SMAP2: variants seen among roughly 807,000 people sequenced by gnomAD.
The protein encoded by SMAP2 is small ArfGAP2, also known as stromal membrane-associated protein 2.
A neutral mutation model predicts 56.4 loss-of-function variants in SMAP2; 25 were observed. That is an observed-to-expected ratio of 0.44 (90% CI 0.32 to 0.62). The LOEUF is 0.62. Ranked by LOEUF, SMAP2 falls within the 20% of genes least tolerant of loss-of-function variation. SMAP2 has a pLI of 0.04. For synonymous variants in SMAP2, 157 were observed against 181.7 expected, an observed-to-expected ratio of 0.86 and a Z score of 1.09; for missense variants, 388 against 545.6, an observed-to-expected ratio of 0.71 and a Z score of 2.88.
At chr1:40,384,513 C>A (rs1001817265) in intron 1 of SMAP2, among the ~76,000 whole-genome samples, 1 of 152,170 alleles carries the variant, frequency 6.6e-6, no homozygotes, top group Non-Finnish European at 1.5e-5. Context: ...TCAGCCCTTT[C>A]TAGAAGTGCT....
upstream of SMAP2, among the ~76,000 whole-genome samples, chr1:40,371,330 T>C (rs937192652): frequency 9.2e-5 from 14 of 152,180 alleles, no homozygotes; most frequent in Non-Finnish European, 1.9e-4. Context: ...GCTTTGTTTA[T>C]ATCCTCAGAC....
At chr1:40,402,759 C>T (rs1239458163) in intron 1 of SMAP2, among the ~76,000 whole-genome samples, 1 of 152,218 alleles carries the variant, frequency 6.6e-6, no homozygotes, top group East Asian at 1.9e-4. Flanking sequence ...ACTCTCTCTT[C>T]ATGAGATCCA....
intron 1 of SMAP2, among the ~76,000 whole-genome samples, chr1:40,345,763 T>A (rs1644382801): frequency 6.6e-6 from 1 of 150,840 alleles, no homozygotes; most frequent in African/African-American, 2.4e-5. Context: ...TTGTGTATTA[T>A]AATATAACGT....
In SMAP2 at chr1:40,374,943, G is replaced by A; in HGVS notation, c.103+720G>A. ...CTAGCCGATTATGCCTGTAGTGCAG[G>A]ATCCGTTTAATCAGTGGAGAGAGAA... On this transcript the variant is annotated intron_variant, in intron 1 of 9. Coordinates refer to ENST00000372718, the MANE Select transcript of SMAP2 (RefSeq NM_022733.3). The surrounding 1 kb of genome is among the most constrained non-coding windows in gnomAD (Gnocchi z 5.9). 1 of 985,376 alleles carries A rather than the reference G, an allele frequency of 1.0e-6. No individual in the cohort carries two copies. The allele number at this position is 985,376 out of a possible 1,614,324, so 61.0% of individuals were successfully genotyped here.
rs75769987 is a variant in SMAP2 at position 40,361,052 on chromosome 1, A to G, written c.-82-1248A>G. 7.9e-4 allele frequency among the ~76,000 whole-genome samples: 121 copies of G among 152,298 alleles called. 1 individual carries two copies. The highest frequency in any genetic ancestry group is 2.5e-3 in the African/African-American group (102 of 41,566). ...TAGTGCTTTTGCCATCCCTTCCCCA[A>G]TTGCAGGCAGCATAGCTTGCAGTTC... On this transcript the variant is annotated intron_variant, in intron 1 of 6. Coordinates refer to the SMAP2 transcript ENST00000435168.
rs149738120 is a variant in SMAP2 at position 40,387,389 on chromosome 1, G to GAA, written c.103+13166_103+13167insAA. Among the ~76,000 whole-genome samples, 789 of 152,270 alleles carry GAA rather than the reference G, an allele frequency of 5.2e-3. 4 individuals are homozygous for GAA. The highest frequency in any genetic ancestry group is 0.018 in the African/African-American group (750 of 41,558). On this transcript the variant is annotated intron_variant, in intron 1 of 9. Coordinates refer to ENST00000372718, the MANE Select transcript of SMAP2 (RefSeq NM_022733.3). ...AGGAAGTATAAATTTTTGTGTTGTT[G>GAA]TTAGAGTGATGGGTTATTTATGTGT...
intron 1 of SMAP2, among the ~76,000 whole-genome samples, chr1:40,393,132 A>G (rs1482780540): frequency 1.3e-5 from 2 of 151,946 alleles, no homozygotes; most frequent in Non-Finnish European, 2.9e-5. Context: ...AAATTAGTAT[A>G]ATTTTATTGT....
At chr1:40,381,198 GA>G (rs1478222609) in intron 1 of SMAP2, among the ~76,000 whole-genome samples, 2 of 152,204 alleles carry the variant, frequency 1.3e-5, no homozygotes, top group Admixed American at 6.5e-5. Context: ...TAGTCATTCA[GA>G]AAATGTTTCT....
At chr1:40,389,059 G>T (rs539797490) in intron 1 of SMAP2, among the ~76,000 whole-genome samples, 1 of 152,020 alleles carries the variant, frequency 6.6e-6, no homozygotes, top group Admixed American at 6.6e-5. Flanking sequence ...AACAAACTCC[G>T]GACACGCCGC....
intron 8 of SMAP2, 113 bp from the exon 9 acceptor site, chr1:40,416,667 G>A: frequency 1.8e-6 from 2 of 1,101,134 alleles, no homozygotes; most frequent in Non-Finnish European, 2.6e-6. Flanking sequence ...AAAGAGCATT[G>A]TGAGTAGAGT....
chr1:40,413,272 G>T (rs558511448), intron 5 of SMAP2, among the ~76,000 whole-genome samples, 170 bp downstream of exon 5: 1 of 152,280 alleles, frequency 6.6e-6, no homozygotes, highest in East Asian at 1.9e-4. Context: ...CTCGTTACCA[G>T]TTGCTGCCTA....
rs557227576 is a variant in SMAP2 at position 40,354,670 on chromosome 1, T to A, written c.-82-7630T>A. ...TAATATAAGGTTAGTTAATTTTTTT[T>A]AAATGAGAATTGTTTTGGATTTTAT... On this transcript the variant is annotated intron_variant, in intron 1 of 6. Transcript: ENST00000435168. 1.4e-4 allele frequency among the ~76,000 whole-genome samples: 22 copies of A among 152,058 alleles called. No individual in the cohort carries two copies. In the South Asian group the frequency reaches 1.7e-3, roughly 11 times the overall value.
chr1:40,392,295 T>C (rs1217563794), intron 1 of SMAP2, among the ~76,000 whole-genome samples: 4 of 152,008 alleles, frequency 2.6e-5, no homozygotes, highest in Non-Finnish European at 5.9e-5. Flanking sequence ...GAGTGTGTTC[T>C]GTGAGCATCT....
At chr1:40,384,692 C>G (rs928197850) in intron 1 of SMAP2, among the ~76,000 whole-genome samples, 1 of 152,230 alleles carries the variant, frequency 6.6e-6, no homozygotes, top group African/African-American at 2.4e-5. Context: ...AAGTTACCAA[C>G]TGTAACAATT....
rs202099504 is a variant in SMAP2, at chr1:40,409,848, T to C, written c.402+13T>C. On this transcript the variant is annotated intron_variant, in intron 4 of 9. Coordinates refer to ENST00000372718, the MANE Select transcript of SMAP2 (RefSeq NM_022733.3). ...CAATGCCTTTAGGGTTGGTTATACA[T>C]CTTTCAAGTTTTGTCCACAATAAGT... is the stretch of plus-strand genomic sequence containing the variant. 67 of 1,561,900 alleles carry C rather than the reference T, an allele frequency of 4.3e-5. 2 individuals are homozygous for C. The East Asian group carries it at 1.5e-3, about 35-fold the overall frequency.
chr1:40,357,317 T>C (rs1644440589), intron 1 of SMAP2, among the ~76,000 whole-genome samples: 2 of 152,108 alleles, frequency 1.3e-5, no homozygotes, highest in Non-Finnish European at 2.9e-5. Flanking sequence ...TAGCCAGGCA[T>C]GGTGACGTGT....
intron 6 of SMAP2, among the ~76,000 whole-genome samples, chr1:40,415,063 C>G (rs1644973597): frequency 6.6e-6 from 1 of 152,188 alleles, no homozygotes; most frequent in South Asian, 2.1e-4. Context: ...TGCCCTGTGC[C>G]TGATAGCTGG....
intron 9 of SMAP2, among the ~76,000 whole-genome samples, chr1:40,419,029 T>A (rs568794136): frequency 1.3e-5 from 2 of 152,276 alleles, no homozygotes; most frequent in African/African-American, 4.8e-5. Context: ...TGACAAGCGT[T>A]GCAGAATATA....
rs1285922461 is a variant in SMAP2 at position 40,386,147 on chromosome 1, C to T, written c.103+11924C>T. ...ACAGGAAGGAAACTCCCTGTTCTTA[C>T]CATGATGCTTTTGTTCAAAATAGCT... On this transcript the variant is annotated intron_variant, in intron 1 of 9. Transcript: ENST00000372718. The surrounding 1 kb of genome is among the most constrained non-coding windows in gnomAD (Gnocchi z 4.1). Among the ~76,000 whole-genome samples, 1 of 152,148 alleles carries T rather than the reference C, an allele frequency of 6.6e-6. No individual in the cohort carries two copies.
Sources: gnomAD v4.1 joint callset for allele counts (sites outside exome capture counted in the v4.1 genomes callset) on GRCh38, gnomAD v4.1.1 for gene constraint, Gnocchi (gnomAD v3.1) non-coding constraint, MANE v1.5 for transcripts, NCBI Gene and HGNC (gene_info 2026-07-23, HGNC 2026-07-21) for gene names.